SRGAP2: variants seen among roughly 807,000 people sequenced by gnomAD.
The protein encoded by SRGAP2 is SLIT-ROBO Rho GTPase activating protein 2.
SRGAP2 carries 15 observed loss-of-function variants against 57.2 expected under a neutral mutation model. That is an observed-to-expected ratio of 0.26 (90% CI 0.18 to 0.40). The LOEUF (loss-of-function observed/expected upper bound fraction) is 0.40. Ranked by LOEUF, SRGAP2 falls within the 10% of genes least tolerant of loss-of-function variation. SRGAP2 has a pLI of 1.00. For missense variants in SRGAP2, 520 were observed against 669.6 expected (o/e 0.78, Z 2.47); for synonymous variants, 249 against 248.0 (o/e 1.00, Z -0.04).
At position 206,289,453 on chromosome 1, in the gene SRGAP2, T is replaced by A. The variant is rs1671192808; in HGVS notation, c.68-13828T>A. Among the ~76,000 whole-genome samples the A allele has an allele frequency of 4.0e-5, 6 of 151,102 alleles. No homozygotes were observed. In the South Asian group the frequency reaches 1.2e-3, roughly 31 times the overall value. On this transcript the variant is annotated intron_variant, in intron 2 of 22. Transcript: ENST00000573034. ...ACGCCCAGCTACTTTTTTTGTATTT[T>A]TTTTTAGTAGAGACGGGGTTTCACT...
At chr1:206,447,996 G>A (rs1181781781) in intron 18 of SRGAP2, among the ~76,000 whole-genome samples, 1 of 152,226 alleles carries the variant, frequency 6.6e-6, no homozygotes, top group Non-Finnish European at 1.5e-5. Context: ...TACTACCGCA[G>A]ACTGTGTGGG....
In SRGAP2 at chr1:206,461,185, G is replaced by A. The variant is rs1553380522; in HGVS notation, c.2981G>A (p.Ser994Asn). 3 of 780,454 alleles carry A rather than the reference G, an allele frequency of 3.8e-6. No individual in the cohort carries two copies. Among genetic ancestry groups the A allele is most frequent in the Non-Finnish European group, 7.2e-6 (3 of 417,848 alleles). The allele number at this position is 780,454 out of a possible 1,614,324, so 48.3% of individuals were successfully genotyped here. ...PVVAPTSEPS[S>N]PLHTQLLKDP... is the part of the protein sequence containing the mutation. Reference sequence around the variant, plus strand: ...GTGGCCCCCACGTCAGAGCCCTCCAGCCCTCTGCACACCCAGCTCCTCAAG... The same window carrying A: ...GTGGCCCCCACGTCAGAGCCCTCCAACCCTCTGCACACCCAGCTCCTCAAG... Residue 994 changes from serine (S) to asparagine (N), a missense_variant, in exon 23 of 23, where the codon AGC becomes AAC. By Grantham distance (46) the Ser-to-Asn change is conservative. Transcript: ENST00000573034.
intron 11 of SRGAP2, among the ~76,000 whole-genome samples, chr1:206,417,506 C>T (rs1659843226): frequency 6.6e-6 from 1 of 151,198 alleles, no homozygotes; most frequent in Non-Finnish European, 1.5e-5. Context: ...CAAACTCCAC[C>T]TCCCAGGTTA....
intron 11 of SRGAP2, among the ~76,000 whole-genome samples, chr1:206,416,933 A>G (rs1659764581): frequency 6.6e-6 from 1 of 152,204 alleles, no homozygotes; most frequent in South Asian, 2.1e-4. Context: ...GACAAACTGC[A>G]AAGTTTAGGA....
Position 206,309,889 on chromosome 1 carries a change from A to G in SRGAP2, c.260+6416A>G, listed in dbSNP as rs531528360. 1.4e-3 allele frequency among the ~76,000 whole-genome samples: 210 copies of G among 151,334 alleles called. 1 individual carries two copies. Among genetic ancestry groups the G allele is most frequent in the Admixed American group, 3.1e-3 (48 of 15,270 alleles). ...AAATCCAGGACCCCAGGCTTAGACA[A>G]TAAAAGTTTTGCATTGGTAGTAAAA... On this transcript the variant is annotated intron_variant, in intron 3 of 22. Transcript: ENST00000573034.
At chr1:206,444,178 C>CAA (rs782535999) in intron 17 of SRGAP2, among the ~76,000 whole-genome samples, 1,733 of 117,042 alleles carry the variant, frequency 0.015, 18 homozygotes, top group South Asian at 0.034. Flanking sequence ...GACTCCGTCT[C>CAA]AAAAAAAAAA....
At chr1:206,248,753 T>C (rs10794686) in intron 2 of SRGAP2, among the ~76,000 whole-genome samples, 58,889 of 145,050 alleles carry the variant, frequency 0.41, 12,406 homozygotes, top group East Asian at 0.7. Flanking sequence ...TCATCCTGTC[T>C]TCCAGTGTTC....
rs536473733 is a variant in SRGAP2 at position 206,461,223 on chromosome 1, G to A, written c.3019G>A (p.Ala1007Thr). 70 of 780,560 alleles carry A rather than the reference G, an allele frequency of 9.0e-5. No individual in the cohort carries two copies. The highest frequency in any genetic ancestry group is 2.4e-4 in the South Asian group (18 of 74,592). The allele number at this position is 780,560 out of a possible 1,614,324, so 48.4% of individuals were successfully genotyped here. The stretch of plus-strand genomic sequence containing the variant: ...CCAGCTCCTCAAGGACCCCGAGCCC[G>A]CCTTCCAGCGCAGCGCCAGTACTGC... Reference protein sequence around the residue: ...HTQLLKDPEPAFQRSASTAGD... With the variant: ...HTQLLKDPEPTFQRSASTAGD... The change falls in exon 23 of 23, where the codon GCC becomes ACC. Residue 1007 changes from alanine to threonine, a missense_variant. This residue lies in a region of SRGAP2 where 478 missense variants were observed against 373.6 expected (regional missense o/e 1.28). Transcript: ENST00000573034.
At chr1:206,419,235 C>T in intron 11 of SRGAP2, 138 bp from the exon 12 acceptor site, 1 of 658,816 alleles carries the variant, frequency 1.5e-6, no homozygotes, top group Non-Finnish European at 2.8e-6. Flanking sequence ...GTCTCTCTCT[C>T]TCTCTCCTCT....
intron 20 of SRGAP2, chr1:206,453,885 T>C: frequency 2.2e-6 from 1 of 446,132 alleles, no homozygotes; most frequent in Non-Finnish European, 4.0e-6. Flanking sequence ...CTAGTTCATT[T>C]AACCGAGATG....
Position 206,454,214 on chromosome 1 carries a change from T to C in SRGAP2, c.2361-664T>C. The C allele has an allele frequency of 1.4e-6, 1 of 702,364 alleles. No homozygotes were observed. The highest frequency in any genetic ancestry group is 2.6e-6 in the Non-Finnish European group (1 of 384,894). The allele number at this position is 702,364 out of a possible 1,614,324, so 43.5% of individuals were successfully genotyped here. On this transcript the variant is annotated intron_variant, in intron 20 of 22. Coordinates refer to ENST00000573034, the MANE Select transcript of SRGAP2 (RefSeq NM_015326.5). The surrounding 1 kb of genome is among the most constrained non-coding windows in gnomAD (Gnocchi z 4.3). Reference sequence around the variant, plus strand: ...TCGTTCTGCAGGGAAATCCTCCCTCTGTTGATAGCATCGCAAACCTGGTGG... The same window carrying C: ...TCGTTCTGCAGGGAAATCCTCCCTCCGTTGATAGCATCGCAAACCTGGTGG...
chr1:206,264,266 C>T (rs1302688956), intron 2 of SRGAP2, among the ~76,000 whole-genome samples: 2 of 147,972 alleles, frequency 1.4e-5, no homozygotes, highest in African/African-American at 2.5e-5. Flanking sequence ...ATTGTATTAA[C>T]CAGACTCTCA....
At chr1:206,306,951 T>C (rs1387538428) in intron 3 of SRGAP2, among the ~76,000 whole-genome samples, 5 of 151,220 alleles carry the variant, frequency 3.3e-5, no homozygotes, top group South Asian at 4.2e-4. Flanking sequence ...AGAGTGTCGA[T>C]TGGTGCACTC....
chr1:206,458,389 C>T (rs781921623), intron 21 of SRGAP2: 48 of 692,400 alleles, frequency 6.9e-5, no homozygotes, highest in Middle Eastern at 4.7e-4. Context: ...ATCTTGACAA[C>T]ACAAAGCCCG....
chr1:206,430,368 G>A, intron 14 of SRGAP2, 146 bp downstream of exon 14: 1 of 639,688 alleles, frequency 1.6e-6, no homozygotes, highest in Admixed American at 2.3e-5. Flanking sequence ...CATAACTTTT[G>A]CTACCTCAAA....
In SRGAP2 at chr1:206,464,288, G is replaced by A. The variant is rs545313917; in HGVS notation, c.*2868G>A. On this transcript the variant is annotated 3_prime_UTR_variant, in exon 23 of 23. Coordinates refer to ENST00000573034, the MANE Select transcript of SRGAP2 (RefSeq NM_015326.5). ...TTGTATGTCACATTTGTGTAAAATG[G>A]TATATTCTTTAAAATAGTGTTGATA... 1.3e-5 allele frequency: 2 copies of A among 152,614 alleles called. No homozygotes were observed. Among genetic ancestry groups the A allele is most frequent in the Non-Finnish European group, 2.9e-5 (2 of 68,042 alleles). 9.5% of individuals were successfully genotyped at this position (152,614 alleles called of 1,614,324 possible).
At chr1:206,366,564 G>T (rs530430643) in intron 4 of SRGAP2, among the ~76,000 whole-genome samples, 2 of 152,068 alleles carry the variant, frequency 1.3e-5, no homozygotes, top group African/African-American at 4.8e-5. Flanking sequence ...ATGCAGGAAG[G>T]CCTGTTGTTG....
intron 2 of SRGAP2, among the ~76,000 whole-genome samples, chr1:206,283,675 CAA>C (rs1240979603): frequency 5.8e-5 from 7 of 120,362 alleles, no homozygotes; most frequent in African/African-American, 6.2e-5. Context: ...GACTCTGTCT[CAA>C]AAAAAAAAAA....
intron 4 of SRGAP2, among the ~76,000 whole-genome samples, chr1:206,379,025 A>G (rs1255642633): frequency 1.3e-5 from 2 of 151,636 alleles, no homozygotes; most frequent in Non-Finnish European, 2.9e-5. Flanking sequence ...AAGTTTTGCA[A>G]TTAAGTATAT....
Sources: allele counts gnomAD v4.1 joint callset (sites outside exome capture counted in the v4.1 genomes callset), GRCh38; gene constraint gnomAD v4.1.1; regional missense constraint gnomAD v4.1.1; non-coding constraint Gnocchi (gnomAD v3.1); transcripts MANE v1.5; gene names NCBI Gene and HGNC (gene_info 2026-07-23, HGNC 2026-07-21).